NUDCD3: variants seen among roughly 807,000 people sequenced by gnomAD.
NUDCD3 encodes nudC domain-containing protein 3.
Under a neutral mutation model 39.7 loss-of-function variants are expected in NUDCD3, and 13 were observed. That is an observed-to-expected ratio of 0.33 (90% CI 0.21 to 0.52). The LOEUF (loss-of-function observed/expected upper bound fraction) is 0.52. Among genes scored for constraint, NUDCD3 ranks in the 20% least tolerant of loss-of-function variants. The pLI is 0.96. For missense variants in NUDCD3, 453 were observed against 458.1 expected (o/e 0.99, Z 0.10); for synonymous variants, 175 against 172.4 (o/e 1.02, Z -0.12).
chr7:44,388,670 T>G (rs571903992), intron 5 of NUDCD3, among the ~76,000 whole-genome samples: 2 of 152,206 alleles, frequency 1.3e-5, no homozygotes, highest in Non-Finnish European at 2.9e-5. Flanking sequence ...AGTTCATTAC[T>G]GTCTATAGCT....
intron 4 of NUDCD3, among the ~76,000 whole-genome samples, chr7:44,394,096 T>C (rs973697830): frequency 6.6e-6 from 1 of 152,232 alleles, no homozygotes; most frequent in African/African-American, 2.4e-5. Context: ...TGGGCACCGA[T>C]GTGGTGCGGG....
intron 2 of NUDCD3, among the ~76,000 whole-genome samples, chr7:44,463,753 G>T (rs1585096293): frequency 1.3e-5 from 2 of 152,172 alleles, no homozygotes; most frequent in South Asian, 2.1e-4. Flanking sequence ...GAGAATACTG[G>T]GCTTGAGGGA....
At chr7:44,490,326 G>T in intron 1 of NUDCD3, 83 bp downstream of exon 1, 1 of 1,303,000 alleles carries the variant, frequency 7.7e-7, no homozygotes, top group Non-Finnish European at 1.0e-6. Flanking sequence ...GAAACAGGCT[G>T]GGAGAGCTTG....
At position 44,488,893 on chromosome 7, in the gene NUDCD3, A is replaced by G. The variant is rs183673971; in HGVS notation, c.192+1516T>C. The stretch of plus-strand genomic sequence containing the variant: ...CAGTTCATCTGTGAAACAAAGACCA[A>G]CCTCTCAGGTTATATTAAGGGTTAA... On this transcript the variant is annotated intron_variant, in intron 1 of 5. Coordinates refer to ENST00000355451, the MANE Select transcript of NUDCD3 (RefSeq NM_015332.4). 4.1e-4 allele frequency among the ~76,000 whole-genome samples: 63 copies of G among 152,276 alleles called. No individual in the cohort carries two copies. In the East Asian group the frequency reaches 9.1e-3, roughly 22 times the overall value.
intron 2 of NUDCD3, among the ~76,000 whole-genome samples, chr7:44,460,028 G>C (rs1421813389): frequency 6.6e-6 from 1 of 152,162 alleles, no homozygotes; most frequent in African/African-American, 2.4e-5. Flanking sequence ...CCCTTTAGTA[G>C]ACAATGGAAT....
chr7:44,396,590 C>CT (rs999659412), intron 4 of NUDCD3, among the ~76,000 whole-genome samples: 12 of 150,880 alleles, frequency 8.0e-5, no homozygotes, highest in African/African-American at 2.9e-4. Context: ...AACTCCAGAC[C>CT]TTTTTTTTTA....
chr7:44,396,296 G>A (rs1798623904), intron 4 of NUDCD3, among the ~76,000 whole-genome samples: 1 of 152,222 alleles, frequency 6.6e-6, no homozygotes, highest in Non-Finnish European at 1.5e-5. Flanking sequence ...AACAGGACCT[G>A]AGGTGTTGTC....
intron 1 of NUDCD3, among the ~76,000 whole-genome samples, chr7:44,488,313 C>T (rs1295465676): frequency 3.6e-5 from 5 of 138,866 alleles, no homozygotes; most frequent in Admixed American, 3.1e-4. Flanking sequence ...CCAGCCTGGG[C>T]GACAGAGTGA....
intron 2 of NUDCD3, among the ~76,000 whole-genome samples, chr7:44,454,267 AG>A (rs1563181906): frequency 6.6e-6 from 1 of 152,302 alleles, no homozygotes; most frequent in East Asian, 1.9e-4. Flanking sequence ...TGAACCCGTG[AG>A]GCGGAGCTTG....
intron 2 of NUDCD3, among the ~76,000 whole-genome samples, chr7:44,448,804 T>G (rs1799734243): frequency 6.6e-6 from 1 of 152,164 alleles, no homozygotes; most frequent in Non-Finnish European, 1.5e-5. Flanking sequence ...AAAAAACTAC[T>G]TCATAGGTCT....
chr7:44,400,999 G>C (rs1397752646), intron 4 of NUDCD3, among the ~76,000 whole-genome samples: 1 of 152,172 alleles, frequency 6.6e-6, no homozygotes, highest in East Asian at 1.9e-4. Context: ...ACAGGGTTGG[G>C]TACTTAATGA....
intron 3 of NUDCD3, among the ~76,000 whole-genome samples, chr7:44,418,369 T>G (rs1036912451): frequency 1.3e-5 from 2 of 152,190 alleles, no homozygotes; most frequent in African/African-American, 4.8e-5. Flanking sequence ...CAGCACCACT[T>G]GTATGTATAG....
intron 2 of NUDCD3, among the ~76,000 whole-genome samples, chr7:44,466,423 A>G (rs1260500650): frequency 6.6e-6 from 1 of 152,080 alleles, no homozygotes; most frequent in Admixed American, 6.5e-5. Flanking sequence ...TGGAGAGAGA[A>G]ACAGTTTTCT....
chr7:44,439,569 G>A (rs1799536199), intron 2 of NUDCD3, among the ~76,000 whole-genome samples: 1 of 150,390 alleles, frequency 6.6e-6, no homozygotes, highest in Non-Finnish European at 1.5e-5. Flanking sequence ...AGAGAATCCT[G>A]TAGTGCCAAA....
intron 2 of NUDCD3, among the ~76,000 whole-genome samples, chr7:44,473,416 G>T (rs1345219727): frequency 6.6e-6 from 1 of 152,148 alleles, no homozygotes; most frequent in Non-Finnish European, 1.5e-5. Flanking sequence ...CAACAGAACG[G>T]CCTCAAAGAG....
chr7:44,449,285 C>T (rs775329565), intron 2 of NUDCD3, among the ~76,000 whole-genome samples: 3 of 152,064 alleles, frequency 2.0e-5, no homozygotes, highest in Non-Finnish European at 2.9e-5. Context: ...TGTGTTTCAA[C>T]GAAAAGGGAC....
Position 44,402,418 on chromosome 7 carries a change from T to C in NUDCD3, c.786+2022A>G, listed in dbSNP as rs1364178916. Among the ~76,000 whole-genome samples the C allele has an allele frequency of 2.6e-5, 4 of 152,136 alleles. No homozygotes were observed. In the East Asian group the frequency reaches 7.7e-4, roughly 29 times the overall value. ...TGGCTTTGAAATATCCACGAAGAAG[T>C]TAGAGTTACTTCCGTCAACAAAACC... On this transcript the variant is annotated intron_variant, in intron 4 of 5. Transcript: ENST00000355451.
chr7:44,436,358 G>A (rs1381648496), intron 2 of NUDCD3, among the ~76,000 whole-genome samples: 1 of 152,202 alleles, frequency 6.6e-6, no homozygotes, highest in African/African-American at 2.4e-5. Flanking sequence ...GAAGCAGGGT[G>A]AAAGTTTCGT....
intron 2 of NUDCD3, among the ~76,000 whole-genome samples, chr7:44,473,834 T>C (rs1263609670): frequency 6.6e-6 from 1 of 152,154 alleles, no homozygotes; most frequent in Non-Finnish European, 1.5e-5. Context: ...ACAACTTGAT[T>C]TACTTTACCA....
Sources: gnomAD v4.1 joint callset for allele counts (sites outside exome capture counted in the v4.1 genomes callset) on GRCh38, gnomAD v4.1.1 for gene constraint, MANE v1.5 for transcripts, NCBI Gene and HGNC (gene_info 2026-07-23, HGNC 2026-07-21) for gene names.